Variants in HMGN5 observed in about 807,000 individuals in gnomAD.
HMGN5 encodes high mobility group nucleosome binding domain 5, also known as high mobility group nucleosome-binding domain-containing protein 5.
In HMGN5, 4 loss-of-function variants were observed where a neutral mutation model predicts 9.5. The ratio of observed to expected loss-of-function variants is 0.42; its 90% CI spans 0.21 to 0.96. HMGN5 has a LOEUF of 0.96. Among genes scored for constraint, HMGN5 ranks in the 40% least tolerant of loss-of-function variants. The pLI is 0.30. For missense variants in HMGN5, 192 were observed against 187.5 expected (o/e 1.02, Z -0.14); for synonymous variants, 55 against 57.1 (o/e 0.96, Z 0.16).
At chrX:81,126,180 T>C (rs1169531262) in intron 1 of HMGN5, among the ~76,000 whole-genome samples, 2 of 109,059 alleles carry the variant, frequency 1.8e-5, no homozygotes, top group Non-Finnish European at 3.8e-5. Context: ...AATCAGGCAG[T>C]TTTTTTCACT....
intron 1 of HMGN5, among the ~76,000 whole-genome samples, chrX:81,197,409 A>T (rs1724666547): frequency 8.9e-6 from 1 of 112,360 alleles, no homozygotes; most frequent in African/African-American, 3.2e-5. Context: ...TAGGTAAATA[A>T]TATTTTAACT....
intron 1 of HMGN5, among the ~76,000 whole-genome samples, chrX:81,183,937 A>G (rs2075470043): frequency 8.9e-6 from 1 of 112,026 alleles, no homozygotes; most frequent in Non-Finnish European, 1.9e-5. Context: ...TCTTAGGTGG[A>G]AAGGACTTGC....
intron 6 of HMGN5, 25 bp from the exon 7 acceptor site, chrX:81,115,255 C>T (rs2147532656): frequency 8.9e-7 from 1 of 1,124,245 alleles, no homozygotes; most frequent in Non-Finnish European, 1.2e-6. Context: ...AAAAGAAAAA[C>T]AAGATTCTGT....
chrX:81,118,249 C>A (rs1458340811), intron 5 of HMGN5, among the ~76,000 whole-genome samples, 183 bp downstream of exon 5: 2 of 110,890 alleles, frequency 1.8e-5, no homozygotes, highest in Non-Finnish European at 3.8e-5. Flanking sequence ...ACACTGTGGA[C>A]AATCACAAAA....
intron 1 of HMGN5, among the ~76,000 whole-genome samples, chrX:81,168,187 A>G (rs1227248673): frequency 8.9e-6 from 1 of 111,782 alleles, no homozygotes; most frequent in Admixed American, 9.6e-5. Flanking sequence ...ATTCCAGGTG[A>G]CCTCTATATA....
In HMGN5 at chrX:81,190,099, G is replaced by A. The variant is rs769959312; in HGVS notation, c.-124+11638C>T. On this transcript the variant is annotated intron_variant, in intron 1 of 6. Coordinates refer to ENST00000358130, the MANE Select transcript of HMGN5 (RefSeq NM_030763.3). The stretch of plus-strand genomic sequence containing the variant: ...TGGTTGTTTGTTTTCTTATTGTTGA[G>A]TTTTAAGTATTTGTATATTTTCTTA... Among the ~76,000 whole-genome samples the A allele has an allele frequency of 5.7e-4, 64 of 111,555 alleles. No individual in the cohort carries two copies. The South Asian group carries it at 0.023, about 40-fold the overall frequency.
At chrX:81,121,444 TA>T (rs976707413) in intron 2 of HMGN5, 90 bp downstream of exon 2, 11 of 974,866 alleles carry the variant, frequency 1.1e-5, no homozygotes, top group Admixed American at 6.8e-5. Flanking sequence ...CAAAAAGCTT[TA>T]AAAAAAACCA....
chrX:81,135,074 C>CTT (rs771500119), intron 1 of HMGN5, among the ~76,000 whole-genome samples: 92 of 111,276 alleles, frequency 8.3e-4, no homozygotes, highest in African/African-American at 3.0e-3. Flanking sequence ...CCTATGGTTT[C>CTT]TTAAATATGA....
At chrX:81,140,696 G>A (rs1384092302) in intron 1 of HMGN5, among the ~76,000 whole-genome samples, 1 of 110,906 alleles carries the variant, frequency 9.0e-6, no homozygotes, top group East Asian at 2.8e-4. Context: ...GAGCCTCTGA[G>A]ACTTTCTGCC....
At chrX:81,143,515 G>T (rs185569265) in intron 1 of HMGN5, among the ~76,000 whole-genome samples, 20 of 112,339 alleles carry the variant, frequency 1.8e-4, no homozygotes, top group African/African-American at 4.8e-4. Context: ...TGCAGCCCAT[G>T]CAGGGTGAGC....
chrX:81,139,481 A>G (rs1300784837), intron 1 of HMGN5, among the ~76,000 whole-genome samples: 2 of 111,012 alleles, frequency 1.8e-5, no homozygotes, highest in Admixed American at 9.5e-5. Context: ...CAAGGACAGT[A>G]ATTTAACAAC....
intron 1 of HMGN5, among the ~76,000 whole-genome samples, chrX:81,193,333 G>GCTTA (rs1227528001): frequency 8.9e-6 from 1 of 112,073 alleles, no homozygotes; most frequent in African/African-American, 3.2e-5. Context: ...TTACATCTGA[G>GCTTA]CTTAATGTTT....
At chrX:81,171,107 G>A (rs1450490076) in intron 1 of HMGN5, among the ~76,000 whole-genome samples, 2 of 111,437 alleles carry the variant, frequency 1.8e-5, no homozygotes. Context: ...AGACTCAGGA[G>A]AATGTGTTTT....
intron 1 of HMGN5, among the ~76,000 whole-genome samples, chrX:81,171,448 T>A (rs2075425679): frequency 9.0e-6 from 1 of 111,704 alleles, no homozygotes. Flanking sequence ...ACTTTGGAAG[T>A]CAGTGGAAAT....
chrX:81,188,026 CTTTTT>C (rs201150749), intron 1 of HMGN5, among the ~76,000 whole-genome samples: 3 of 110,024 alleles, frequency 2.7e-5, no homozygotes, highest in African/African-American at 9.9e-5. Context: ...AACTTCATTC[CTTTTT>C]TTTAACTTTT....
intron 1 of HMGN5, among the ~76,000 whole-genome samples, chrX:81,175,411 A>C: frequency 9.0e-6 from 1 of 111,378 alleles, no homozygotes; most frequent in East Asian, 2.8e-4. Flanking sequence ...CCTATGAAAT[A>C]TAGTTTTGGT....
intron 1 of HMGN5, among the ~76,000 whole-genome samples, chrX:81,137,775 A>T (rs943379885): frequency 8.9e-6 from 1 of 112,011 alleles, no homozygotes; most frequent in Admixed American, 9.5e-5. Context: ...TGATTCTCAA[A>T]CAAATTATAA....
chrX:81,132,200 A>G (rs188677682), intron 1 of HMGN5, among the ~76,000 whole-genome samples: 6 of 111,524 alleles, frequency 5.4e-5, no homozygotes, highest in Admixed American at 1.9e-4. Flanking sequence ...CCACTGCTCA[A>G]AGAAATCAGA....
At chrX:81,166,942 T>C (rs1369274165) in intron 1 of HMGN5, among the ~76,000 whole-genome samples, 1 of 111,521 alleles carries the variant, frequency 9.0e-6, no homozygotes, top group Non-Finnish European at 1.9e-5. Flanking sequence ...TACCTTGGTC[T>C]TTATTGTCTC....
Sources: gnomAD v4.1 joint callset for allele counts (sites outside exome capture counted in the v4.1 genomes callset) on GRCh38, gnomAD v4.1.1 for gene constraint, MANE v1.5 for transcripts, NCBI Gene and HGNC (gene_info 2026-07-23, HGNC 2026-07-21) for gene names.